BCL9: variants seen among roughly 807,000 people sequenced by gnomAD.
BCL9 encodes the protein B-cell CLL/lymphoma 9 protein.
In BCL9, 25 loss-of-function variants were observed where a neutral mutation model predicts 88.5. The observed-to-expected ratio is 0.28, with a 90% CI of 0.21 to 0.39. The LOEUF is 0.39. Among genes scored for constraint, BCL9 ranks in the 10% least tolerant of loss-of-function variants. BCL9 has a pLI of 1.00. For missense variants in BCL9, 1,817 were observed against 1,877.8 expected (o/e 0.97, Z 0.60); for synonymous variants, 711 against 673.3 (o/e 1.06, Z -0.87).
At chr1:147,594,208 T>C (rs1274198914) in intron 1 of BCL9, among the ~76,000 whole-genome samples, 2 of 152,182 alleles carry the variant, frequency 1.3e-5, no homozygotes, top group Admixed American at 6.5e-5. Flanking sequence ...GGCAAGAGCA[T>C]GTAGAATTGA....
In BCL9 at chr1:147,592,600, TA is replaced by T. The variant is rs1656890096; in HGVS notation, c.-477-12173del. ...AGTATGAACTTCTAATGGCAGAATT[TA>T]AAAGAGTGTGTCAGGAGAGTTGAAG... On this transcript the variant is annotated intron_variant, in intron 1 of 9. Transcript: ENST00000234739. Among the ~76,000 whole-genome samples, 3 of 152,306 alleles carry T rather than the reference TA, an allele frequency of 2.0e-5. No individual in the cohort carries two copies. In the East Asian group the frequency reaches 5.8e-4, roughly 29 times the overall value.
chr1:147,597,753 T>C (rs1657118654), intron 1 of BCL9, among the ~76,000 whole-genome samples: 1 of 152,254 alleles, frequency 6.6e-6, no homozygotes, highest in South Asian at 2.1e-4. Flanking sequence ...ACCATTTCTA[T>C]GGAACCTCTA....
Position 147,558,649 on chromosome 1 carries a change from C to T in BCL9, c.-478+16975C>T, listed in dbSNP as rs1655228826. Among the ~76,000 whole-genome samples, 7 of 152,260 alleles carry T rather than the reference C, an allele frequency of 4.6e-5. 1 individual carries two copies. In the South Asian group the frequency reaches 1.5e-3, roughly 32 times the overall value. ...CGCATCTTACCATGACATGGCCCTT[C>T]CTGTATTTGAAAACAGGTGTGAGCG... On this transcript the variant is annotated intron_variant, in intron 1 of 9. Coordinates refer to ENST00000234739, the MANE Select transcript of BCL9 (RefSeq NM_004326.4).
intron 1 of BCL9, among the ~76,000 whole-genome samples, chr1:147,544,141 G>C (rs1654450014): frequency 6.6e-6 from 1 of 152,188 alleles, no homozygotes; most frequent in Admixed American, 6.5e-5. Context: ...TTACAGTCTT[G>C]TTGGTATGAT....
At chr1:147,584,346 C>T (rs1374379806) in intron 1 of BCL9, among the ~76,000 whole-genome samples, 2 of 151,918 alleles carry the variant, frequency 1.3e-5, no homozygotes, top group African/African-American at 2.4e-5. Context: ...CGCACCCAGC[C>T]GGATTCATTT....
At chr1:147,608,750 A>T (rs1460478514) in intron 3 of BCL9, among the ~76,000 whole-genome samples, 1 of 152,188 alleles carries the variant, frequency 6.6e-6, no homozygotes, top group Non-Finnish European at 1.5e-5. Flanking sequence ...TAGTCATAGT[A>T]ATACTTAACA....
intron 1 of BCL9, among the ~76,000 whole-genome samples, chr1:147,596,562 G>C (rs1296770802): frequency 5.5e-5 from 7 of 127,776 alleles, no homozygotes; most frequent in South Asian, 2.9e-4. Context: ...TACAGGCGCC[G>C]GCCACCACAC....
At chr1:147,560,090 A>C (rs929329346) in intron 1 of BCL9, among the ~76,000 whole-genome samples, 1 of 152,218 alleles carries the variant, frequency 6.6e-6, no homozygotes, top group Non-Finnish European at 1.5e-5. Flanking sequence ...AAAAGAATGT[A>C]AATGATGCAG....
At chr1:147,585,814 G>C (rs1656573316) in intron 1 of BCL9, among the ~76,000 whole-genome samples, 1 of 152,168 alleles carries the variant, frequency 6.6e-6, no homozygotes, top group African/African-American at 2.4e-5. Flanking sequence ...ACTCCCAAGG[G>C]ATGAGTGGGT....
At chr1:147,547,518 C>T (rs1443800481) in intron 1 of BCL9, among the ~76,000 whole-genome samples, 1 of 152,068 alleles carries the variant, frequency 6.6e-6, no homozygotes, top group Non-Finnish European at 1.5e-5. Context: ...ACCACTGACT[C>T]TATTTTAATT....
At chr1:147,587,166 T>G (rs1447069430) in intron 1 of BCL9, among the ~76,000 whole-genome samples, 1 of 152,048 alleles carries the variant, frequency 6.6e-6, no homozygotes, top group Non-Finnish European at 1.5e-5. Context: ...TTCTAGACTC[T>G]TCCCCGCCCC....
intron 1 of BCL9, among the ~76,000 whole-genome samples, chr1:147,568,297 C>T (rs587636894): frequency 6.6e-6 from 1 of 152,222 alleles, no homozygotes; most frequent in East Asian, 1.9e-4. Context: ...ACAGCAAAAT[C>T]TTCCTAATAA....
chr1:147,585,842 C>T (rs1167321191), intron 1 of BCL9, among the ~76,000 whole-genome samples: 1 of 152,114 alleles, frequency 6.6e-6, no homozygotes, highest in African/African-American at 2.4e-5. Context: ...TTTATTATCA[C>T]CTGCTTTTCC....
chr1:147,552,064 T>C (rs1654928240), intron 1 of BCL9, among the ~76,000 whole-genome samples: 1 of 152,052 alleles, frequency 6.6e-6, no homozygotes, highest in East Asian at 1.9e-4. Context: ...GAGACAGATA[T>C]TCACAGAACT....
chr1:147,553,404 G>T (rs587666082), intron 1 of BCL9, among the ~76,000 whole-genome samples: 2 of 152,296 alleles, frequency 1.3e-5, no homozygotes, highest in South Asian at 4.1e-4. Context: ...AGAGCCAGAG[G>T]ACTCTTGCAT....
chr1:147,559,150 T>A (rs1423916820), intron 1 of BCL9, among the ~76,000 whole-genome samples: 2 of 106,818 alleles, frequency 1.9e-5, no homozygotes, highest in Non-Finnish European at 3.6e-5. Flanking sequence ...TGGCATTTGA[T>A]GGTCATCTCT....
chr1:147,606,859 G>A lies in BCL9; in HGVS notation c.-267G>A, dbSNP rs1249893439. ...GAGCACTGCAGTGTCGTGACCCTTGGGGTTTTGGTGAGTACACTGATGGCT... is the reference window on the plus strand; with the variant it reads ...GAGCACTGCAGTGTCGTGACCCTTGAGGTTTTGGTGAGTACACTGATGGCT... On this transcript the variant is annotated 5_prime_UTR_variant, in exon 3 of 10. Transcript: ENST00000234739. 2.0e-5 allele frequency: 3 copies of A among 152,656 alleles called. No individual in the cohort carries two copies. In the East Asian group the frequency reaches 5.8e-4, roughly 29 times the overall value. 9.5% of individuals were successfully genotyped at this position (152,656 alleles called of 1,614,324 possible).
chr1:147,542,430 C>T (rs1345245017), intron 1 of BCL9, among the ~76,000 whole-genome samples: 1 of 152,188 alleles, frequency 6.6e-6, no homozygotes, highest in Admixed American at 6.5e-5. Context: ...ATGCTGTATG[C>T]CTCCCTGGGA....
Position 147,551,575 on chromosome 1 carries a change from C to T in BCL9, c.-478+9901C>T, listed in dbSNP as rs201221880. 7.9e-5 allele frequency among the ~76,000 whole-genome samples: 12 copies of T among 152,262 alleles called. No homozygotes were observed. The East Asian group carries it at 9.6e-4, about 12-fold the overall frequency. On this transcript the variant is annotated intron_variant, in intron 1 of 9. Transcript: ENST00000234739. ...ATTAACAGGTAAGACCTTTAAGAGG[C>T]GGAGAGGTCATAAGGGCTTCATCCT...
Sources: allele counts gnomAD v4.1 joint callset (sites outside exome capture counted in the v4.1 genomes callset), GRCh38; gene constraint gnomAD v4.1.1; transcripts MANE v1.5; gene names NCBI Gene and HGNC (gene_info 2026-07-23, HGNC 2026-07-21).